Variants in RASGRP4 observed in about 807,000 individuals in gnomAD.
RASGRP4 encodes the protein RAS guanyl releasing protein 4, also known as RAS guanyl-releasing protein 4.
Under a neutral mutation model 84.4 loss-of-function variants are expected in RASGRP4, and 52 were observed. The observed-to-expected ratio is 0.62, with a 90% CI of 0.49 to 0.78. The LOEUF is 0.78. RASGRP4 is among the 30% of genes least tolerant of loss of function. RASGRP4 has a pLI of 0.00. For missense variants in RASGRP4, 760 were observed against 886.9 expected (o/e 0.86, Z 1.82); for synonymous variants, 356 against 359.1 (o/e 0.99, Z 0.10).
In RASGRP4 at chr19:38,411,229, T is replaced by G; in HGVS notation, c.1738A>C (p.Lys580Gln). 1.9e-6 allele frequency: 3 copies of G among 1,614,006 alleles called. No homozygotes were observed. The highest frequency in any genetic ancestry group is 2.2e-5 in the East Asian group (1 of 44,892). The change falls in exon 15 of 17, where the codon AAA becomes CAA. Residue 580 changes from lysine to glutamine, a missense_variant. Transcript: ENST00000615439. ...ACCTTCACCTGGTCTCTGCAGTGTT[T>G]GTGGCAACACAGCCCGCACTCTGGG... ...RCRECGLCCHKHCRDQVKVEC... is the reference protein window; with the variant it reads ...RCRECGLCCHQHCRDQVKVEC...
chr19:38,417,111 G>A lies in RASGRP4; in HGVS notation c.895C>T (p.His299Tyr). ...TCCTTGAGTCTGGAGATGGCACTGT[G>A]ACACAGGCCCCCTGTGACTGCCATC... ...TLMAVTGGLC[H>Y]SAISRLKDSH... Residue 299 changes from histidine to tyrosine, a missense_variant, in exon 8 of 17, where the codon CAC (histidine) becomes TAC (tyrosine). By Grantham distance (83) the His-to-Tyr change is moderately conservative. Transcript: ENST00000615439. This position sits in a 1 kb window ranked among gnomAD's most constrained non-coding sequence, Gnocchi z 5.1. 1.3e-6 allele frequency: 2 copies of A among 1,565,494 alleles called. No homozygotes were observed. Among genetic ancestry groups the A allele is most frequent in the Non-Finnish European group, 1.7e-6 (2 of 1,154,862 alleles).
At position 38,410,886 on chromosome 19, in the gene RASGRP4, C is replaced by T. The variant is rs1283936246; in HGVS notation, c.1965G>A (p.Thr655=). The T allele has an allele frequency of 1.2e-5, 19 of 1,588,636 alleles. No homozygotes were observed. Among genetic ancestry groups the T allele is most frequent in the Middle Eastern group, 3.3e-4 (2 of 6,058 alleles). The change falls in exon 16 of 17, where the codon ACG becomes ACA. Residue 655 remains threonine, a splice_region_variant and synonymous_variant. Transcript: ENST00000615439. ...ESPHPSWETD[T]VPCPVMDPPS... ...GGGGGTAGGGGCGGTTTCTCCTCAC[C>T]GTATCTGTTTCCCAGGAAGGGTGTG...
At chr19:38,416,355 C>T (rs1263959091) in intron 8 of RASGRP4, among the ~76,000 whole-genome samples, 4 of 148,166 alleles carry the variant, frequency 2.7e-5, no homozygotes, top group South Asian at 2.2e-4. Flanking sequence ...CCCAGCTATT[C>T]GGGAGGCTGG....
Position 38,412,524 on chromosome 19 carries a change from A to C in RASGRP4, c.1680+148T>G. The C allele has an allele frequency of 1.4e-6, 1 of 724,266 alleles. No homozygotes were observed. The highest frequency in any genetic ancestry group is 2.2e-6 in the Non-Finnish European group (1 of 448,808). 44.9% of individuals were successfully genotyped at this position (724,266 alleles called of 1,614,324 possible). On this transcript the variant is annotated intron_variant, in intron 13 of 16. Transcript: ENST00000615439. The surrounding 1 kb of genome is among the most constrained non-coding windows in gnomAD (Gnocchi z 4.6). The stretch of plus-strand genomic sequence containing the variant: ...CTGGCATTTGGAGATTATCCAGGAT[A>C]TAGGGAATGTCTGGTGTTTAGGGTT...
chr19:38,426,152 T>C lies in RASGRP4; in HGVS notation c.-61A>G. 2 of 1,258,658 alleles carry C rather than the reference T, an allele frequency of 1.6e-6. No homozygotes were observed. The highest frequency in any genetic ancestry group is 2.0e-6 in the Non-Finnish European group (2 of 986,362). The allele number at this position is 1,258,658 out of a possible 1,614,324, so 78.0% of individuals were successfully genotyped here. ...CAAGAGTAGGGCTCAGCTCCTCCCC[T>C]TGCCCAGGACTCCAGCTTCTCAGCC... On this transcript the variant is annotated 5_prime_UTR_variant, in exon 1 of 17. Transcript: ENST00000615439.
Position 38,426,219 on chromosome 19 carries a change from G to A in RASGRP4, c.-128C>T. On this transcript the variant is annotated 5_prime_UTR_variant, in exon 1 of 17. Transcript: ENST00000615439. ...CTCCTCGGTGCTTGGGAAGGAAAGA[G>A]GAACTGCCCCTCCCCACCCACCCTC... The A allele has an allele frequency of 2.8e-6, 2 of 716,074 alleles. No homozygotes were observed. Among genetic ancestry groups the A allele is most frequent in the Non-Finnish European group, 2.0e-6 (1 of 512,562 alleles). 44.4% of individuals were successfully genotyped at this position (716,074 alleles called of 1,614,324 possible).
chr19:38,413,461 A>G lies in RASGRP4; in HGVS notation c.1244T>C (p.Leu415Pro). 2 of 1,597,510 alleles carry G rather than the reference A, an allele frequency of 1.3e-6. No individual in the cohort carries two copies. Among genetic ancestry groups the G allele is most frequent in the Non-Finnish European group, 1.7e-6 (2 of 1,171,958 alleles). The change falls in exon 10 of 17, where the codon CTC (leucine) becomes CCC (proline). Residue 415 changes from leucine (L) to proline (P), a missense_variant. Coordinates refer to ENST00000615439, the MANE Select transcript of RASGRP4 (RefSeq NM_170604.3). The surrounding 1 kb of genome is among the most constrained non-coding windows in gnomAD (Gnocchi z 4.7). ...ATAGATCTCGTCTTCCGTGTAGAAG[A>G]GGTCCAGGGAGAGCTGGAGCAGACA... Reference protein sequence around the residue: ...LLHLLTLSLDLFYTEDEIYEL... With the variant: ...LLHLLTLSLDPFYTEDEIYEL...
chr19:38,417,068 C>T lies in RASGRP4; in HGVS notation c.938G>A (p.Ser313Asn). 1 of 1,555,748 alleles carries T rather than the reference C, an allele frequency of 6.4e-7. No individual in the cohort carries two copies. The highest frequency in any genetic ancestry group is 8.7e-7 in the Non-Finnish European group (1 of 1,148,144). Reference protein sequence around the residue: ...SRLKDSHAHLSPDSTKALLEL... With the variant: ...SRLKDSHAHLNPDSTKALLEL... ...GGGATTCACCTTGGTGCTGTCAGGGCTCAGGTGGGCATGGGAGTCCTTGAG... is the reference window on the plus strand; with the variant it reads ...GGGATTCACCTTGGTGCTGTCAGGGTTCAGGTGGGCATGGGAGTCCTTGAG... The change falls in exon 8 of 17, where the codon AGC becomes AAC. Residue 313 changes from serine (S) to asparagine (N), a missense_variant. Transcript: ENST00000615439. The surrounding 1 kb of genome is among the most constrained non-coding windows in gnomAD (Gnocchi z 5.1).
chr19:38,410,211 G>C (rs1971170489), intron 16 of RASGRP4, 115 bp from the exon 17 acceptor site: 2 of 731,546 alleles, frequency 2.7e-6, no homozygotes, highest in Non-Finnish European at 4.5e-6. Context: ...GTGGATGAAT[G>C]AACGTCCCCT....
chr19:38,416,924 T>G, intron 8 of RASGRP4, 128 bp downstream of exon 8: 5 of 643,472 alleles, frequency 7.8e-6, no homozygotes, highest in East Asian at 5.6e-5. Flanking sequence ...GGGTCTGGGA[T>G]TTGGAGGAGC....
chr19:38,411,272 G>T (rs757679862), intron 14 of RASGRP4, 23 bp from the exon 15 acceptor site: 7 of 1,613,536 alleles, frequency 4.3e-6, no homozygotes, highest in East Asian at 4.5e-5. Context: ...AGCGGCAGGG[G>T]TCCGATCTGT....
At chr19:38,425,954 G>T in intron 1 of RASGRP4, 115 bp downstream of exon 1, 2 of 872,344 alleles carry the variant, frequency 2.3e-6, no homozygotes, top group Non-Finnish European at 1.6e-6. Flanking sequence ...GCCCCCCTGC[G>T]CCTGATCCCA....
rs375772369 is a variant in RASGRP4 at position 38,417,197 on chromosome 19, G to T, written c.838-29C>A. On this transcript the variant is annotated intron_variant, in intron 7 of 16. Coordinates refer to ENST00000615439, the MANE Select transcript of RASGRP4 (RefSeq NM_170604.3). The surrounding 1 kb of genome is among the most constrained non-coding windows in gnomAD (Gnocchi z 5.1). ...GGAAGAGAAGCATGCACACAGGGCC[G>T]TCACGGGAGGGAGGGCAAGTCAGGA... The T allele has an allele frequency of 4.2e-6, 6 of 1,429,498 alleles. No homozygotes were observed. Among genetic ancestry groups the T allele is most frequent in the Non-Finnish European group, 5.8e-6 (6 of 1,035,572 alleles). The allele number at this position is 1,429,498 out of a possible 1,614,324, so 88.6% of individuals were successfully genotyped here.
intron 1 of RASGRP4, among the ~76,000 whole-genome samples, chr19:38,425,517 C>G (rs1395417881): frequency 6.6e-6 from 1 of 152,116 alleles, no homozygotes; most frequent in African/African-American, 2.4e-5. Flanking sequence ...GAGGAGTTAC[C>G]CAGGCTAGGG....
At chr19:38,421,341 C>T (rs1600574984) in intron 2 of RASGRP4, 141 bp from the exon 3 acceptor site, 3 of 640,866 alleles carry the variant, frequency 4.7e-6, no homozygotes, top group East Asian at 5.4e-5. Flanking sequence ...GCAACCTAAC[C>T]TCCTGTGCCT....
rs576974460 is a variant in RASGRP4 at position 38,417,599 on chromosome 19, G to A, written c.838-431C>T. On this transcript the variant is annotated intron_variant, in intron 7 of 16. Coordinates refer to ENST00000615439, the MANE Select transcript of RASGRP4 (RefSeq NM_170604.3). The surrounding 1 kb of genome is among the most constrained non-coding windows in gnomAD (Gnocchi z 5.1). ...CTGGGCAGGAGCTGGGAGCCAGGCA[G>A]AGGTGAATAGGGCCAGAGAGATATG... Among the ~76,000 whole-genome samples, 2 of 152,272 alleles carry A rather than the reference G, an allele frequency of 1.3e-5. No individual in the cohort carries two copies. Among genetic ancestry groups the A allele is most frequent in the South Asian group, 4.1e-4 (2 of 4,826 alleles).
At chr19:38,423,360 T>C (rs1160491514) in intron 1 of RASGRP4, among the ~76,000 whole-genome samples, 2 of 146,842 alleles carry the variant, frequency 1.4e-5, no homozygotes, top group Admixed American at 6.8e-5. Flanking sequence ...CCCCCATCGC[T>C]ACTAAAAATG....
Position 38,412,656 on chromosome 19 carries a change from G to T in RASGRP4, c.1680+16C>A, listed in dbSNP as rs1209602517. ...ACAGATGGAACCTAAGGGTGGTGAT[G>T]GGGTGGGGTGCTCACGAAGCCACTG... On this transcript the variant is annotated intron_variant, in intron 13 of 16. Coordinates refer to ENST00000615439, the MANE Select transcript of RASGRP4 (RefSeq NM_170604.3). The surrounding 1 kb of genome is among the most constrained non-coding windows in gnomAD (Gnocchi z 4.6). 6.2e-7 allele frequency: 1 copy of T among 1,610,390 alleles called. No homozygotes were observed. Among genetic ancestry groups the T allele is most frequent in the Admixed American group, 1.7e-5 (1 of 59,720 alleles).
chr19:38,410,166 C>T, intron 16 of RASGRP4, 70 bp from the exon 17 acceptor site: 1 of 1,283,178 alleles, frequency 7.8e-7, no homozygotes, highest in Admixed American at 1.8e-5. Context: ...GGAGACGCTT[C>T]ACTGCCAGGA....
Sources: allele counts gnomAD v4.1 joint callset (sites outside exome capture counted in the v4.1 genomes callset), GRCh38; gene constraint gnomAD v4.1.1; non-coding constraint Gnocchi (gnomAD v3.1); transcripts MANE v1.5; gene names NCBI Gene and HGNC (gene_info 2026-07-23, HGNC 2026-07-21).